Variants in SOX5 observed in about 807,000 individuals in gnomAD.
SOX5 encodes the protein SRY-box transcription factor 5.
In SOX5, 9 loss-of-function variants were observed where a neutral mutation model predicts 92.0. The observed-to-expected ratio is 0.10, with a 90% CI of 0.06 to 0.17. The LOEUF (loss-of-function observed/expected upper bound fraction) is 0.17. SOX5 is among the 10% of genes least tolerant of loss of function. The probability of loss-of-function intolerance (pLI) is 1.00; values close to 1 mark genes in which losing one functional copy is unlikely to be tolerated. For missense variants in SOX5, 642 were observed against 944.5 expected (o/e 0.68, Z 4.20); for synonymous variants, 344 against 336.3 (o/e 1.02, Z -0.25).
At chr12:23,800,773 G>A (rs76318299) in intron 3 of SOX5, among the ~76,000 whole-genome samples, 1 of 152,074 alleles carries the variant, frequency 6.6e-6, no homozygotes, top group Non-Finnish European at 1.5e-5. Context: ...GGTATATCAT[G>A]AAATAAACCA....
At chr12:24,118,558 T>C (rs1266609816) in intron 4 of SOX5, among the ~76,000 whole-genome samples, 5 of 152,100 alleles carry the variant, frequency 3.3e-5, no homozygotes, top group African/African-American at 9.7e-5. Context: ...ATGAGATTAC[T>C]TGACATGATC....
chr12:24,295,852 C>A (rs373323576), intron 2 of SOX5, among the ~76,000 whole-genome samples: 1 of 152,062 alleles, frequency 6.6e-6, no homozygotes, highest in African/African-American at 2.4e-5. Context: ...CATGAGCCAC[C>A]GCACCTGGCC....
At chr12:23,694,116 C>A (rs2089397405) in intron 6 of SOX5, among the ~76,000 whole-genome samples, 2 of 152,132 alleles carry the variant, frequency 1.3e-5, no homozygotes, top group South Asian at 4.1e-4. Context: ...TTTGAGACGT[C>A]TATTTTTAGT....
intron 4 of SOX5, among the ~76,000 whole-genome samples, chr12:24,097,046 T>A (rs973783704): frequency 2.0e-5 from 3 of 152,138 alleles, no homozygotes; most frequent in African/African-American, 7.2e-5. Context: ...TAGTTATTTT[T>A]TGTTTGTTTG....
At chr12:23,932,355 T>C (rs906343808) in intron 1 of SOX5, among the ~76,000 whole-genome samples, 1 of 151,656 alleles carries the variant, frequency 6.6e-6, no homozygotes, top group African/African-American at 2.4e-5. Flanking sequence ...AAATGCAATA[T>C]CTGATGCTTG....
At chr12:24,067,799 A>C (rs1386880387) in intron 4 of SOX5, among the ~76,000 whole-genome samples, 1 of 152,204 alleles carries the variant, frequency 6.6e-6, no homozygotes, top group African/African-American at 2.4e-5. Flanking sequence ...AAAAACAAGA[A>C]GGTGAAACTA....
Position 24,074,054 on chromosome 12 carries a change from A to C in SOX5, c.-2+139289T>G, listed in dbSNP as rs577577619. ...GACCATGCCTACATCCCTCAAAAAAAAAAGCTCAGTGTACACAAGATGTAG... is the reference window on the plus strand; with the variant it reads ...GACCATGCCTACATCCCTCAAAAAACAAAGCTCAGTGTACACAAGATGTAG... On this transcript the variant is annotated intron_variant, in intron 4 of 4. Transcript: ENST00000446891. Among the ~76,000 whole-genome samples the C allele has an allele frequency of 3.9e-5, 6 of 152,276 alleles. No individual in the cohort carries two copies. The South Asian group carries it at 8.3e-4, about 21-fold the overall frequency.
At chr12:24,475,993 TAAAAAAAAAAAA>T (rs71450741) in intron 1 of SOX5, among the ~76,000 whole-genome samples, 5 of 86,136 alleles carry the variant, frequency 5.8e-5, no homozygotes, top group Non-Finnish European at 6.6e-5. Flanking sequence ...GAAATACATT[TAAAAAAAAAAAA>T]AAAAAAAAAG....
At chr12:24,075,118 A>G (rs1187840181) in intron 4 of SOX5, among the ~76,000 whole-genome samples, 1 of 151,540 alleles carries the variant, frequency 6.6e-6, no homozygotes, top group African/African-American at 2.4e-5. Flanking sequence ...AAAAAATAAA[A>G]ATTAGCTGAG....
At chr12:23,774,073 G>T (rs928312605) in intron 3 of SOX5, among the ~76,000 whole-genome samples, 2 of 152,024 alleles carry the variant, frequency 1.3e-5, no homozygotes, top group Non-Finnish European at 2.9e-5. Flanking sequence ...GAAAAAGGAA[G>T]ACAAAAAGAG....
intron 1 of SOX5, among the ~76,000 whole-genome samples, chr12:24,546,816 T>C (rs1471296970): frequency 6.6e-6 from 1 of 152,206 alleles, no homozygotes; most frequent in Non-Finnish European, 1.5e-5. Flanking sequence ...GCAGTAGGGT[T>C]GACTTCCCCC....
intron 4 of SOX5, among the ~76,000 whole-genome samples, chr12:24,083,298 C>T (rs1021670): frequency 0.28 from 42,632 of 151,720 alleles, 6,750 homozygotes; most frequent in East Asian, 0.65. Context: ...GTTATTATGC[C>T]GTGAATTACA....
Position 24,357,840 on chromosome 12 carries a change from C to CAAA in SOX5, c.-174+10720_-174+10722dup, listed in dbSNP as rs566913275. Among the ~76,000 whole-genome samples, 162 of 105,258 alleles carry CAAA rather than the reference C, an allele frequency of 1.5e-3. 1 individual carries two copies. The highest frequency in any genetic ancestry group is 0.014 in the South Asian group (37 of 2,606). 69.1% of individuals were successfully genotyped at this position (105,258 alleles called of 152,430 possible). On this transcript the variant is annotated intron_variant, in intron 2 of 4. Coordinates refer to the SOX5 transcript ENST00000446891. Reference sequence around the variant, plus strand: ...TGGGTGACAGAGCGAGACTCCATCTCAAAAAAAAAAAAAAGAAAGAAGAAA... The same window carrying CAAA: ...TGGGTGACAGAGCGAGACTCCATCTCAAAAAAAAAAAAAAAAAGAAAGAAGAAA...
intron 10 of SOX5, among the ~76,000 whole-genome samples, chr12:23,568,655 C>T (rs1010828505): frequency 4.6e-5 from 7 of 152,126 alleles, no homozygotes; most frequent in East Asian, 1.9e-4. Flanking sequence ...GTTGCCCTTC[C>T]GATTCTTGGG....
At chr12:24,116,155 C>G (rs953306242) in intron 4 of SOX5, among the ~76,000 whole-genome samples, 3 of 152,040 alleles carry the variant, frequency 2.0e-5, no homozygotes, top group Admixed American at 6.5e-5. Context: ...GCAGAAGATG[C>G]CTTAAATACC....
intron 2 of SOX5, among the ~76,000 whole-genome samples, chr12:24,326,765 C>T (rs1483203707): frequency 2.8e-5 from 4 of 143,352 alleles, no homozygotes; most frequent in African/African-American, 1.0e-4. Context: ...TACAGGTCTA[C>T]CCACCCACCC....
chr12:24,472,443 C>T (rs1360645397), intron 1 of SOX5, among the ~76,000 whole-genome samples: 1 of 152,170 alleles, frequency 6.6e-6, no homozygotes, highest in Non-Finnish European at 1.5e-5. Flanking sequence ...TTCCTTCCAC[C>T]TTAGCATGCA....
At chr12:23,704,074 G>GT (rs990184721) in intron 6 of SOX5, among the ~76,000 whole-genome samples, 1 of 151,702 alleles carries the variant, frequency 6.6e-6, no homozygotes, top group African/African-American at 2.4e-5. Flanking sequence ...GAACTACATG[G>GT]TTTTTTCCAT....
intron 4 of SOX5, among the ~76,000 whole-genome samples, chr12:24,064,548 A>G (rs1218026053): frequency 6.6e-6 from 1 of 152,266 alleles, no homozygotes; most frequent in Non-Finnish European, 1.5e-5. Flanking sequence ...AAAGCTTTAA[A>G]GTAGTACAGA....
Sources: gnomAD v4.1 joint callset for allele counts (sites outside exome capture counted in the v4.1 genomes callset) on GRCh38, gnomAD v4.1.1 for gene constraint, MANE v1.5 for transcripts, NCBI Gene and HGNC (gene_info 2026-07-23, HGNC 2026-07-21) for gene names.